The following RBFOX1 variants were observed in gnomAD, a reference collection of about 807,000 sequenced individuals.
The protein encoded by RBFOX1 is RNA binding protein fox-1 homolog 1.
In RBFOX1, 8 loss-of-function variants were observed where a neutral mutation model predicts 57.7. That is an observed-to-expected ratio of 0.14 (90% CI 0.08 to 0.25). The LOEUF is 0.25. Among genes scored for constraint, RBFOX1 ranks in the 10% least tolerant of loss-of-function variants. The pLI is 1.00. For missense variants in RBFOX1, 611 were observed against 548.5 expected, an observed-to-expected ratio of 1.11 and a Z score of -1.14; for synonymous variants, 326 against 222.4, an observed-to-expected ratio of 1.47 and a Z score of -4.15.
intron 5 of RBFOX1, among the ~76,000 whole-genome samples, chr16:7,538,501 G>A (rs2082084201): frequency 6.6e-6 from 1 of 152,070 alleles, no homozygotes; most frequent in African/African-American, 2.4e-5. Context: ...TATTTGTTGA[G>A]TGCTTACTGT....
At chr16:7,284,393 C>G (rs1460493099) in intron 4 of RBFOX1, among the ~76,000 whole-genome samples, 1 of 152,110 alleles carries the variant, frequency 6.6e-6, no homozygotes, top group East Asian at 1.9e-4. Flanking sequence ...TACGGTGGCA[C>G]TATCACAGCT....
At chr16:7,046,186 G>C (rs1423035903) in intron 3 of RBFOX1, among the ~76,000 whole-genome samples, 2 of 151,960 alleles carry the variant, frequency 1.3e-5, no homozygotes, top group Non-Finnish European at 2.9e-5. Context: ...ATGTAGACAG[G>C]TGTTCCATTT....
chr16:7,288,708 G>A (rs1373245068), intron 4 of RBFOX1, among the ~76,000 whole-genome samples: 1 of 152,182 alleles, frequency 6.6e-6, no homozygotes, highest in Non-Finnish European at 1.5e-5. Flanking sequence ...AGGCATGATG[G>A]CACATGCCAA....
At chr16:6,348,826 G>A (rs1389768048) in intron 2 of RBFOX1, among the ~76,000 whole-genome samples, 2 of 152,068 alleles carry the variant, frequency 1.3e-5, no homozygotes, top group African/African-American at 4.8e-5. Context: ...TCCAACACTG[G>A]GGATTACAAC....
At chr16:7,088,650 C>A (rs988548828) in intron 4 of RBFOX1, among the ~76,000 whole-genome samples, 1 of 151,994 alleles carries the variant, frequency 6.6e-6, no homozygotes, top group African/African-American at 2.4e-5. Context: ...AGTAATCTAG[C>A]ATGAATGGTT....
chr16:7,629,578 G>C (rs3785228), intron 10 of RBFOX1, among the ~76,000 whole-genome samples: 9 of 152,158 alleles, frequency 5.9e-5, no homozygotes, highest in Admixed American at 2.0e-4. Flanking sequence ...AAACTCCTCA[G>C]AATTCTAATT....
intron 1 of RBFOX1, among the ~76,000 whole-genome samples, chr16:6,228,543 A>G (rs1046565703): frequency 3.3e-5 from 5 of 152,178 alleles, no homozygotes. Context: ...ACATTATGCT[A>G]ACTGAACTAA....
chr16:6,694,417 G>A (rs2060712936), intron 3 of RBFOX1, among the ~76,000 whole-genome samples: 1 of 152,206 alleles, frequency 6.6e-6, no homozygotes, highest in Non-Finnish European at 1.5e-5. Flanking sequence ...GAAAAAACTG[G>A]TTGGTCTTAC....
chr16:6,778,728 CTGAG>C (rs2079814311), intron 3 of RBFOX1, among the ~76,000 whole-genome samples: 1 of 151,954 alleles, frequency 6.6e-6, no homozygotes, highest in Non-Finnish European at 1.5e-5. Flanking sequence ...GATTGTCTTC[CTGAG>C]TCTTTTGTGA....
chr16:5,844,129 C>G (rs1054783145), intron 3 of RBFOX1, among the ~76,000 whole-genome samples: 10 of 152,178 alleles, frequency 6.6e-5, no homozygotes, highest in African/African-American at 2.4e-4. Context: ...GAGACTAAAG[C>G]TTAGTGTTTT....
intron 3 of RBFOX1, among the ~76,000 whole-genome samples, chr16:6,808,389 C>G (rs143639977): frequency 1.0e-3 from 159 of 152,102 alleles, no homozygotes; most frequent in Middle Eastern, 3.4e-3. Context: ...TAAAGTATTG[C>G]TTTCTTAAGT....
At chr16:7,207,364 C>G (rs918833744) in intron 4 of RBFOX1, among the ~76,000 whole-genome samples, 1 of 152,104 alleles carries the variant, frequency 6.6e-6, no homozygotes, top group South Asian at 2.1e-4. Flanking sequence ...CTGTCCCTTC[C>G]AAGAATCTTT....
At chr16:5,447,181 C>G (rs1005443760) in intron 1 of RBFOX1, among the ~76,000 whole-genome samples, 22 of 152,142 alleles carry the variant, frequency 1.4e-4, no homozygotes, top group Admixed American at 4.6e-4. Flanking sequence ...CTACAATAAC[C>G]TTCCCCTCAA....
chr16:7,326,129 A>T (rs1210839024), intron 4 of RBFOX1, among the ~76,000 whole-genome samples: 6 of 152,190 alleles, frequency 3.9e-5, no homozygotes, highest in Admixed American at 6.5e-5. Context: ...GTAACAGATC[A>T]TTCTCAAATA....
chr16:7,129,464 C>T (rs1175746247), intron 4 of RBFOX1, among the ~76,000 whole-genome samples: 1 of 151,990 alleles, frequency 6.6e-6, no homozygotes, highest in Admixed American at 6.6e-5. Context: ...ATAATATCCC[C>T]CACTGATAGG....
At chr16:6,378,317 G>C (rs1428160777) in intron 2 of RBFOX1, among the ~76,000 whole-genome samples, 1 of 152,164 alleles carries the variant, frequency 6.6e-6, no homozygotes, top group African/African-American at 2.4e-5. Flanking sequence ...ATGCATCTGG[G>C]CCCAACAGAG....
chr16:7,555,035 G>A (rs1458270697), intron 5 of RBFOX1, among the ~76,000 whole-genome samples: 1 of 152,058 alleles, frequency 6.6e-6, no homozygotes, highest in Admixed American at 6.6e-5. Flanking sequence ...AATTGTTTTT[G>A]GTCATTTCTT....
intron 3 of RBFOX1, among the ~76,000 whole-genome samples, chr16:6,756,660 G>C (rs2075831628): frequency 6.6e-6 from 1 of 152,066 alleles, no homozygotes. Context: ...CAAAGGATCT[G>C]AATAAACATT....
chr16:7,213,257 G>T (rs879731849), intron 4 of RBFOX1, among the ~76,000 whole-genome samples: 2 of 152,066 alleles, frequency 1.3e-5, no homozygotes. Context: ...CTTTATCAGT[G>T]GTTCCCCATT....
Sources: gnomAD v4.1 joint callset for allele counts (sites outside exome capture counted in the v4.1 genomes callset) on GRCh38, gnomAD v4.1.1 for gene constraint, MANE v1.5 for transcripts, NCBI Gene and HGNC (gene_info 2026-07-23, HGNC 2026-07-21) for gene names.